Variants in MAGI1 observed in about 807,000 individuals in gnomAD.
MAGI1 encodes the protein membrane associated guanylate kinase, WW and PDZ domain containing 1.
A neutral mutation model predicts 139.9 loss-of-function variants in MAGI1; 58 were observed. That is an observed-to-expected ratio of 0.41 (90% confidence interval 0.34 to 0.52). The LOEUF is 0.52. Among genes scored for constraint, MAGI1 ranks in the 20% least tolerant of loss-of-function variants. The pLI is 0.12. For synonymous variants in MAGI1, 812 were observed against 737.9 expected, an observed-to-expected ratio of 1.10 and a Z score of -1.63; for missense variants, 1,874 against 1,901.6, an observed-to-expected ratio of 0.99 and a Z score of 0.27.
Position 65,356,285 on chromosome 3 carries a change from T to C in MAGI1, c.*93A>G, listed in dbSNP as rs1420332966. The C allele has an allele frequency of 7.0e-6, 9 of 1,278,960 alleles. No individual in the cohort carries two copies. Among genetic ancestry groups the C allele is most frequent in the African/African-American group, 1.5e-5 (1 of 66,242 alleles). 79.2% of individuals were successfully genotyped at this position (1,278,960 alleles called of 1,614,324 possible). A position where few individuals can be genotyped will look rare whatever the true frequency, so the allele number is the denominator to read the frequency against. On this transcript the variant is annotated 3_prime_UTR_variant, in exon 23 of 23. Coordinates refer to ENST00000402939, the MANE Select transcript of MAGI1 (RefSeq NM_001033057.2). The stretch of plus-strand genomic sequence containing the variant: ...ATTCATAGGATCATCAGGTGTCAGA[T>C]GCTTCATTAGGTAAGAAACTAAATA...
chr3:66,006,141 TTTAGCCCTTATTGTCTA>T (rs2067000999), intron 1 of MAGI1, among the ~76,000 whole-genome samples: 1 of 152,206 alleles, frequency 6.6e-6, no homozygotes, highest in Non-Finnish European at 1.5e-5. Context: ...ATCACATTCA[TTTAGCCCTTATTGTCTA>T]TTGCTCATGA....
chr3:65,838,132 G>T (rs2058688531), intron 1 of MAGI1, among the ~76,000 whole-genome samples: 1 of 151,972 alleles, frequency 6.6e-6, no homozygotes. Flanking sequence ...CAACTGGCTG[G>T]GCACAGTATT....
intron 5 of MAGI1, among the ~76,000 whole-genome samples, chr3:65,468,277 T>G (rs1055293480): frequency 1.3e-5 from 2 of 151,794 alleles, no homozygotes; most frequent in African/African-American, 4.8e-5. Flanking sequence ...GAAACATGGG[T>G]TGTCCCCTCT....
At chr3:65,690,290 T>C (rs1176907304) in intron 1 of MAGI1, among the ~76,000 whole-genome samples, 2 of 152,202 alleles carry the variant, frequency 1.3e-5, no homozygotes, top group Non-Finnish European at 2.9e-5. Flanking sequence ...GGTTGAGTCC[T>C]GGTGACACAC....
intron 1 of MAGI1, among the ~76,000 whole-genome samples, chr3:65,907,047 C>T (rs1225233573): frequency 3.6e-5 from 5 of 140,074 alleles, no homozygotes; most frequent in African/African-American, 1.3e-4. Flanking sequence ...AATCTTGCCT[C>T]TTGTTTACAA....
Position 65,987,948 on chromosome 3 carries a change from CTGCCCCTGCACTTGCA to C in MAGI1, c.313+50032_313+50047del, listed in dbSNP as rs1448975406. ...TCAAAACTGTAAATAAATTCAAGGACTGCCCCTGCACTTGCATGCCCCTGCCTCCTAGTGTTATAAG... is the reference window on the plus strand; with the variant it reads ...TCAAAACTGTAAATAAATTCAAGGACTGCCCCTGCCTCCTAGTGTTATAAG... On this transcript the variant is annotated intron_variant, in intron 1 of 22. Transcript: ENST00000402939. 5.3e-5 allele frequency among the ~76,000 whole-genome samples: 8 copies of C among 152,360 alleles called. No individual in the cohort carries two copies. The East Asian group carries it at 1.3e-3, about 26-fold the overall frequency.
chr3:65,528,453 G>A (rs2078489729), intron 2 of MAGI1, among the ~76,000 whole-genome samples: 1 of 152,112 alleles, frequency 6.6e-6, no homozygotes, highest in Non-Finnish European at 1.5e-5. Flanking sequence ...GGATATATAA[G>A]GAGATGTAGT....
chr3:65,891,382 G>A (rs72893534), intron 1 of MAGI1, among the ~76,000 whole-genome samples: 53 of 152,096 alleles, frequency 3.5e-4, no homozygotes, highest in African/African-American at 1.1e-3. Context: ...TATGCCAGGC[G>A]CTACCACCCA....
At chr3:65,873,594 G>A (rs1389089147) in intron 1 of MAGI1, 5 of 152,150 alleles carry the variant, frequency 3.3e-5, no homozygotes, top group Admixed American at 1.3e-4. Context: ...TATCAGGCAC[G>A]TTATTGCATT....
chr3:65,838,226 CACTTGCACCAAGGAGATGGA>C (rs1282822094), intron 1 of MAGI1, among the ~76,000 whole-genome samples: 13 of 152,298 alleles, frequency 8.5e-5, no homozygotes, highest in African/African-American at 2.9e-4. Flanking sequence ...GCAGGAGAAT[CACTTGCACCAAGGAGATGGA>C]GGTTGCAGTG....
intron 12 of MAGI1, among the ~76,000 whole-genome samples, chr3:65,419,737 C>T (rs1170293176): frequency 6.6e-6 from 1 of 152,104 alleles, no homozygotes; most frequent in East Asian, 1.9e-4. Flanking sequence ...TGGCTCCCTC[C>T]CTTTTCCTTT....
At chr3:65,467,223 A>G (rs1048281536) in intron 5 of MAGI1, among the ~76,000 whole-genome samples, 4 of 152,140 alleles carry the variant, frequency 2.6e-5, no homozygotes, top group Non-Finnish European at 4.4e-5. Flanking sequence ...TGATTTTTTA[A>G]TGTTCTTTTA....
chr3:65,848,667 C>T (rs1353395752), intron 1 of MAGI1, among the ~76,000 whole-genome samples: 34 of 151,658 alleles, frequency 2.2e-4, no homozygotes, highest in Non-Finnish European at 1.5e-5. Flanking sequence ...GATGAAAAAC[C>T]TATAGCTTAG....
At chr3:65,740,122 T>A (rs1362634917) in intron 1 of MAGI1, among the ~76,000 whole-genome samples, 1 of 152,200 alleles carries the variant, frequency 6.6e-6, no homozygotes, top group Non-Finnish European at 1.5e-5. Context: ...TCAGTATGCA[T>A]GCGTACTCCC....
At chr3:65,523,703 A>G (rs548226294) in intron 2 of MAGI1, among the ~76,000 whole-genome samples, 2 of 152,300 alleles carry the variant, frequency 1.3e-5, no homozygotes, top group South Asian at 4.1e-4. Context: ...TGTAAGTTAG[A>G]ACTCAACTGC....
intron 9 of MAGI1, among the ~76,000 whole-genome samples, chr3:65,438,625 C>T (rs1203209873): frequency 6.6e-6 from 1 of 152,154 alleles, no homozygotes; most frequent in East Asian, 1.9e-4. Context: ...TTGTACAGTC[C>T]AGGGCAGTGG....
chr3:65,998,415 C>T (rs1698036318), intron 1 of MAGI1, among the ~76,000 whole-genome samples: 1 of 152,106 alleles, frequency 6.6e-6, no homozygotes, highest in African/African-American at 2.4e-5. Flanking sequence ...ATACAGCAAG[C>T]TCTCAATAAA....
chr3:65,368,450 T>G lies in MAGI1; in HGVS notation c.3197-3504A>C, dbSNP rs533463926. On this transcript the variant is annotated intron_variant, in intron 18 of 22. Coordinates refer to ENST00000402939, the MANE Select transcript of MAGI1 (RefSeq NM_001033057.2). ...CTCTCACAGCCCTGTCCAGGGACTA[T>G]TCCAAATCTCGGCACTTACTCTTCC... 9.2e-5 allele frequency among the ~76,000 whole-genome samples: 14 copies of G among 152,324 alleles called. 1 individual carries two copies. Among genetic ancestry groups the G allele is most frequent in the Admixed American group, 7.8e-4 (12 of 15,294 alleles).
intron 2 of MAGI1, among the ~76,000 whole-genome samples, chr3:65,540,967 G>A (rs898826002): frequency 2.0e-5 from 3 of 152,076 alleles, no homozygotes; most frequent in African/African-American, 7.2e-5. Flanking sequence ...AAATCTGGAT[G>A]GTGTATGTAT....
Sources: gnomAD v4.1 joint callset for allele counts (sites outside exome capture counted in the v4.1 genomes callset) on GRCh38, gnomAD v4.1.1 for gene constraint, MANE v1.5 for transcripts, NCBI Gene and HGNC (gene_info 2026-07-23, HGNC 2026-07-21) for gene names.